ADK: variants seen among roughly 807,000 people sequenced by gnomAD.
The protein encoded by ADK is N6,N6-dimethyladenosine kinase.
ADK carries 24 observed loss-of-function variants against 44.7 expected under a neutral mutation model. That is an observed-to-expected ratio of 0.54 (90% confidence interval 0.39 to 0.76). The LOEUF (loss-of-function observed/expected upper bound fraction) is 0.76. Ranked by LOEUF, ADK falls within the 30% of genes least tolerant of loss-of-function variation. The pLI is 0.00. For missense variants in ADK, 321 were observed against 425.1 expected, an observed-to-expected ratio of 0.76 and a Z score of 2.15; for synonymous variants, 128 against 142.6, an observed-to-expected ratio of 0.90 and a Z score of 0.73.
chr10:74,581,958 G>C (rs976683423), intron 7 of ADK, among the ~76,000 whole-genome samples: 2 of 152,130 alleles, frequency 1.3e-5, no homozygotes, highest in Admixed American at 6.6e-5. Context: ...TATGGCCTTG[G>C]ACATACTTGA....
At chr10:74,350,611 A>G (rs573733451) in intron 4 of ADK, among the ~76,000 whole-genome samples, 1 of 152,340 alleles carries the variant, frequency 6.6e-6, no homozygotes, top group Non-Finnish European at 1.5e-5. Context: ...CTTGAAAAAA[A>G]TCAGTGAATC....
chr10:74,249,366 T>G (rs986905119), intron 3 of ADK, among the ~76,000 whole-genome samples: 1 of 152,190 alleles, frequency 6.6e-6, no homozygotes, highest in Non-Finnish European at 1.5e-5. Context: ...TTGTTTTCAT[T>G]TGTGAGTGGG....
chr10:74,208,582 G>A (rs1367563821), intron 2 of ADK, among the ~76,000 whole-genome samples: 1 of 152,070 alleles, frequency 6.6e-6, no homozygotes, highest in South Asian at 2.1e-4. Context: ...CAATAAAAGA[G>A]TCTTCTCTAT....
intron 4 of ADK, among the ~76,000 whole-genome samples, chr10:74,364,562 C>T (rs1218109754): frequency 6.6e-6 from 1 of 152,124 alleles, no homozygotes; most frequent in Non-Finnish European, 1.5e-5. Flanking sequence ...TTATGTGATA[C>T]CTTTTCCCTC....
intron 7 of ADK, among the ~76,000 whole-genome samples, chr10:74,583,792 C>T (rs1415456051): frequency 6.6e-6 from 1 of 152,186 alleles, no homozygotes; most frequent in Admixed American, 6.5e-5. Flanking sequence ...GCTTACTTAG[C>T]TTGGTGCCTC....
chr10:74,365,190 G>A (rs1213432632), intron 4 of ADK, among the ~76,000 whole-genome samples: 1 of 85,906 alleles, frequency 1.2e-5, no homozygotes, highest in East Asian at 2.4e-4. Flanking sequence ...CATTCACAAT[G>A]CTGCACAACC....
At chr10:74,637,885 T>C (rs185300206) in intron 9 of ADK, among the ~76,000 whole-genome samples, 174 of 152,332 alleles carry the variant, frequency 1.1e-3, no homozygotes, top group Middle Eastern at 3.4e-3. Flanking sequence ...GTTTTGATTG[T>C]GGTGATGGCT....
intron 3 of ADK, among the ~76,000 whole-genome samples, chr10:74,243,940 A>G (rs1319224826): frequency 6.6e-6 from 1 of 152,208 alleles, no homozygotes; most frequent in Non-Finnish European, 1.5e-5. Context: ...ATTGAACTGT[A>G]TAGATGTATT....
chr10:74,264,191 G>A (rs1262818034), intron 3 of ADK, among the ~76,000 whole-genome samples: 1 of 152,214 alleles, frequency 6.6e-6, no homozygotes. Flanking sequence ...TTATACCTGT[G>A]TGTGGAATTG....
intron 9 of ADK, among the ~76,000 whole-genome samples, chr10:74,634,364 G>A (rs1322098610): frequency 6.6e-6 from 1 of 152,102 alleles, no homozygotes; most frequent in South Asian, 2.1e-4. Context: ...ACAGGCTCCC[G>A]CCACCATGCC....
At chr10:74,190,934 C>G (rs1359302930) in intron 1 of ADK, among the ~76,000 whole-genome samples, 1 of 150,166 alleles carries the variant, frequency 6.7e-6, no homozygotes, top group Non-Finnish European at 1.5e-5. Flanking sequence ...TGGATTGTTG[C>G]AAACTTTTTG....
At chr10:74,428,648 C>A (rs1844880555) in intron 6 of ADK, among the ~76,000 whole-genome samples, 2 of 152,146 alleles carry the variant, frequency 1.3e-5, no homozygotes, top group Non-Finnish European at 2.9e-5. Context: ...AACAAGGAAA[C>A]CTCATTTTGC....
intron 7 of ADK, among the ~76,000 whole-genome samples, chr10:74,583,232 A>G (rs1447181698): frequency 6.6e-6 from 1 of 152,176 alleles, no homozygotes; most frequent in Non-Finnish European, 1.5e-5. Flanking sequence ...AAATTTCAGC[A>G]TGACTTAGTT....
intron 3 of ADK, among the ~76,000 whole-genome samples, chr10:74,229,543 G>A (rs1220704710): frequency 6.6e-6 from 1 of 151,702 alleles, no homozygotes; most frequent in African/African-American, 2.4e-5. Context: ...GACTACAGGC[G>A]CCCACCACCA....
At chr10:74,582,792 A>G (rs572838905) in intron 7 of ADK, among the ~76,000 whole-genome samples, 2 of 152,292 alleles carry the variant, frequency 1.3e-5, no homozygotes, top group South Asian at 4.1e-4. Context: ...ATGTTAAATA[A>G]TATTTTTATT....
intron 7 of ADK, among the ~76,000 whole-genome samples, chr10:74,574,628 A>G (rs1253021850): frequency 1.3e-5 from 2 of 152,166 alleles, no homozygotes; most frequent in East Asian, 3.8e-4. Flanking sequence ...TTTCAGGAAA[A>G]TCTCTTTCCC....
intron 4 of ADK, among the ~76,000 whole-genome samples, chr10:74,322,287 A>C (rs1205622868): frequency 1.3e-5 from 2 of 152,240 alleles, no homozygotes; most frequent in South Asian, 2.1e-4. Context: ...AGTTGTAGAA[A>C]TGTCAGTAGC....
At chr10:74,337,139 A>G (rs1841435495) in intron 4 of ADK, among the ~76,000 whole-genome samples, 2 of 152,370 alleles carry the variant, frequency 1.3e-5, no homozygotes, top group East Asian at 3.9e-4. Context: ...ATTTTAGAAC[A>G]AAGTCTACTT....
intron 7 of ADK, among the ~76,000 whole-genome samples, chr10:74,544,979 A>G (rs1393873584): frequency 2.0e-5 from 3 of 150,688 alleles, no homozygotes; most frequent in Non-Finnish European, 4.4e-5. Flanking sequence ...AATATCTCTC[A>G]CCCAACAATG....
Sources: allele counts gnomAD v4.1 joint callset (sites outside exome capture counted in the v4.1 genomes callset), GRCh38; gene constraint gnomAD v4.1.1; transcripts MANE v1.5; gene names NCBI Gene and HGNC (gene_info 2026-07-23, HGNC 2026-07-21).